Variants in ST7 observed in about 807,000 individuals in gnomAD.
ST7 encodes suppressor of tumorigenicity 7 protein.
ST7 carries 28 observed loss-of-function variants against 78.7 expected under a neutral mutation model. The observed-to-expected ratio is 0.36, with a 90% CI of 0.26 to 0.49. The LOEUF is 0.49. ST7 is among the 20% of genes least tolerant of loss of function. The pLI, the probability that ST7 is intolerant of heterozygous loss-of-function variation, is 0.99. For synonymous variants in ST7, 247 were observed against 249.6 expected (o/e 0.99, Z 0.10); for missense variants, 418 against 696.0 (o/e 0.60, Z 4.49).
chr7:117,142,056 C>T (rs962228400), intron 9 of ST7, among the ~76,000 whole-genome samples: 1 of 152,102 alleles, frequency 6.6e-6, no homozygotes, highest in African/African-American at 2.4e-5. Context: ...GGTCTTTCTG[C>T]TTGCTCTCAT....
At chr7:116,986,372 A>C (rs1158443271) in intron 1 of ST7, among the ~76,000 whole-genome samples, 1 of 152,190 alleles carries the variant, frequency 6.6e-6, no homozygotes, top group Non-Finnish European at 1.5e-5. Flanking sequence ...ACAGAAACTG[A>C]CTCTATTTTA....
At chr7:117,183,647 A>G (rs1160860909) in intron 10 of ST7, among the ~76,000 whole-genome samples, 1 of 152,156 alleles carries the variant, frequency 6.6e-6, no homozygotes, top group Non-Finnish European at 1.5e-5. Context: ...TACCTTGAAC[A>G]CAATATATTA....
At chr7:116,990,381 G>C (rs1794372664) in intron 1 of ST7, among the ~76,000 whole-genome samples, 4 of 151,982 alleles carry the variant, frequency 2.6e-5, no homozygotes, top group Non-Finnish European at 5.9e-5. Flanking sequence ...CTTTTGACTA[G>C]CTCTGCTTGT....
intron 1 of ST7, among the ~76,000 whole-genome samples, chr7:117,057,598 C>T (rs1421407875): frequency 6.6e-6 from 1 of 152,114 alleles, no homozygotes; most frequent in East Asian, 1.9e-4. Flanking sequence ...TCAAACACAG[C>T]AAATAATTGC....
intron 3 of ST7, among the ~76,000 whole-genome samples, chr7:117,120,875 A>T (rs1460244440): frequency 6.6e-6 from 1 of 152,200 alleles, no homozygotes; most frequent in Non-Finnish European, 1.5e-5. Flanking sequence ...ATAAGGCTTA[A>T]TCAAGGCATC....
At position 117,223,075 on chromosome 7, in the gene ST7, C is replaced by T. The variant is rs1793215102; in HGVS notation, c.1638+1013C>T. 9 of 842,990 alleles carry T rather than the reference C, an allele frequency of 1.1e-5. No homozygotes were observed. The South Asian group carries it at 1.3e-4, about 12-fold the overall frequency. The allele number at this position is 842,990 out of a possible 1,614,324, so 52.2% of individuals were successfully genotyped here. A position where few individuals can be genotyped will look rare whatever the true frequency, so the allele number is the denominator to read the frequency against. On this transcript the variant is annotated intron_variant, in intron 15 of 15. Coordinates refer to ENST00000323984, the MANE Select transcript of ST7 (RefSeq NM_001369598.1). ...CCCGTTGCTCAAGCCGGAAACTCGG[C>T]AGCCCTTCCAAACTCTTCCCTCTCT... is the stretch of plus-strand genomic sequence containing the variant.
chr7:117,158,479 A>G (rs1806874427), intron 9 of ST7, among the ~76,000 whole-genome samples: 1 of 152,242 alleles, frequency 6.6e-6, no homozygotes, highest in Non-Finnish European at 1.5e-5. Context: ...CATGCCTGCA[A>G]CTGTTACTTC....
At chr7:117,138,859 A>G (rs187607284) in intron 9 of ST7, among the ~76,000 whole-genome samples, 3 of 152,334 alleles carry the variant, frequency 2.0e-5, no homozygotes, top group East Asian at 1.9e-4. Context: ...AAAAATGTCA[A>G]TAGATGTCCT....
At chr7:116,972,191 T>A in intron 1 of ST7, 1 of 552,684 alleles carries the variant, frequency 1.8e-6, no homozygotes, top group Non-Finnish European at 3.5e-6. Flanking sequence ...TCAAGCAGAG[T>A]CTGGACCAGC....
chr7:117,053,087 C>G (rs761291564), intron 1 of ST7, among the ~76,000 whole-genome samples: 1 of 151,654 alleles, frequency 6.6e-6, no homozygotes, highest in Non-Finnish European at 1.5e-5. Flanking sequence ...AATCATTTTC[C>G]TGTTGTTGAG....
chr7:117,113,993 A>G (rs1802644254), intron 2 of ST7, among the ~76,000 whole-genome samples: 1 of 152,134 alleles, frequency 6.6e-6, no homozygotes, highest in African/African-American at 2.4e-5. Context: ...GTGGGGATGG[A>G]CCATTGGCTG....
chr7:117,122,750 A>G (rs764876630), intron 3 of ST7, among the ~76,000 whole-genome samples: 2 of 152,182 alleles, frequency 1.3e-5, no homozygotes, highest in Non-Finnish European at 2.9e-5. Flanking sequence ...ACTCAGCTAA[A>G]CAAACATGTA....
intron 7 of ST7, 55 bp from the exon 8 acceptor site, chr7:117,136,026 C>T: frequency 6.3e-7 from 1 of 1,590,772 alleles, no homozygotes; most frequent in Non-Finnish European, 8.6e-7. Flanking sequence ...CTCCTACAGT[C>T]TATTACCATG....
chr7:117,136,477 T>C, intron 8 of ST7: 2 of 600,076 alleles, frequency 3.3e-6, no homozygotes, highest in Non-Finnish European at 5.9e-6. Context: ...ACCGCAGAAA[T>C]AAATGGCAGT....
intron 10 of ST7, among the ~76,000 whole-genome samples, chr7:117,187,308 T>G (rs565340583): frequency 6.6e-6 from 1 of 152,372 alleles, no homozygotes; most frequent in Non-Finnish European, 1.5e-5. Flanking sequence ...GGTATTTTCA[T>G]AGAGCTACAT....
chr7:117,207,167 C>T (rs967723701), intron 12 of ST7, among the ~76,000 whole-genome samples: 1 of 148,960 alleles, frequency 6.7e-6, no homozygotes, highest in South Asian at 2.1e-4. Flanking sequence ...TTTTTTTAGG[C>T]GGAGTCTTGC....
intron 1 of ST7, among the ~76,000 whole-genome samples, chr7:117,035,239 T>C (rs1206681000): frequency 6.6e-6 from 1 of 151,492 alleles, no homozygotes; most frequent in Admixed American, 6.6e-5. Context: ...TTTTTAATAT[T>C]AAATTGACCT....
intron 15 of ST7, 148 bp from the exon 16 acceptor site, chr7:117,229,614 T>C (rs1008210749): frequency 8.6e-6 from 6 of 699,434 alleles, no homozygotes; most frequent in Non-Finnish European, 1.5e-5. Context: ...CATCAGCTGA[T>C]GTTTCCTGTA....
At chr7:117,005,475 A>G (rs1168892469) in intron 1 of ST7, among the ~76,000 whole-genome samples, 1 of 152,158 alleles carries the variant, frequency 6.6e-6, no homozygotes, top group African/African-American at 2.4e-5. Flanking sequence ...ATTGATTATT[A>G]CTAATGTAAA....
Sources: allele counts gnomAD v4.1 joint callset (sites outside exome capture counted in the v4.1 genomes callset), GRCh38; gene constraint gnomAD v4.1.1; transcripts MANE v1.5; gene names NCBI Gene and HGNC (gene_info 2026-07-23, HGNC 2026-07-21).